MFSD8: variants seen among roughly 807,000 people sequenced by gnomAD.
MFSD8 encodes major facilitator superfamily domain containing 8, also known as major facilitator superfamily domain-containing protein 8.
A neutral mutation model predicts 66.4 loss-of-function variants in MFSD8; 55 were observed. The observed-to-expected ratio is 0.83, with a 90% CI of 0.67 to 1.04. The LOEUF is 1.04. MFSD8 is among the 50% of genes least tolerant of loss of function. The pLI, the probability that MFSD8 is intolerant of heterozygous loss-of-function variation, is 0.00. For missense variants in MFSD8, 550 were observed against 627.6 expected, an observed-to-expected ratio of 0.88 and a Z score of 1.32; for synonymous variants, 202 against 212.8, an observed-to-expected ratio of 0.95 and a Z score of 0.44.
chr4:127,940,652 G>GT (rs1035200751), intron 5 of MFSD8, among the ~76,000 whole-genome samples: 3 of 150,702 alleles, frequency 2.0e-5, no homozygotes, highest in South Asian at 2.1e-4. Context: ...AGTATTTGAA[G>GT]TTTTTTTTAG....
chr4:127,926,000 C>T (rs1737138921), intron 9 of MFSD8, among the ~76,000 whole-genome samples: 1 of 151,902 alleles, frequency 6.6e-6, no homozygotes, highest in South Asian at 2.1e-4. Flanking sequence ...AAAACAAACG[C>T]CACATGTTCT....
At chr4:127,938,435 T>C (rs1438782337) in intron 7 of MFSD8, among the ~76,000 whole-genome samples, 5 of 151,698 alleles carry the variant, frequency 3.3e-5, no homozygotes, top group African/African-American at 1.2e-4. Flanking sequence ...TACAAAAAAT[T>C]AGCCAGGCGT....
At chr4:127,953,306 T>C (rs768863841) in intron 2 of MFSD8, among the ~76,000 whole-genome samples, 1 of 151,468 alleles carries the variant, frequency 6.6e-6, no homozygotes, top group Non-Finnish European at 1.5e-5. Flanking sequence ...CTGACCAACA[T>C]GGAGAAACCC....
At chr4:127,924,720 C>T (rs1419977992) in intron 9 of MFSD8, among the ~76,000 whole-genome samples, 2 of 152,138 alleles carry the variant, frequency 1.3e-5, no homozygotes, top group African/African-American at 4.8e-5. Context: ...TGACTTTCTT[C>T]ACAGAATTAG....
chr4:127,924,239 G>A (rs1458100616), intron 9 of MFSD8, among the ~76,000 whole-genome samples: 1 of 152,098 alleles, frequency 6.6e-6, no homozygotes, highest in Non-Finnish European at 1.5e-5. Context: ...ATGTGTCCAG[G>A]AATTTATCCG....
intron 4 of MFSD8, 143 bp downstream of exon 4, chr4:127,943,608 GA>G (rs1740562451): frequency 1.0e-6 from 1 of 999,102 alleles, no homozygotes; most frequent in Non-Finnish European, 1.5e-6. Flanking sequence ...AAAATGATAA[GA>G]AAAATATTTG....
At chr4:127,951,757 T>A (rs1190304795) in intron 2 of MFSD8, among the ~76,000 whole-genome samples, 10 of 147,574 alleles carry the variant, frequency 6.8e-5, no homozygotes, top group Non-Finnish European at 1.5e-5. Context: ...TGAGACAGAG[T>A]CTCGCTATGT....
chr4:127,954,445 G>A (rs895238341), intron 2 of MFSD8, among the ~76,000 whole-genome samples: 7 of 151,972 alleles, frequency 4.6e-5, no homozygotes, highest in East Asian at 1.9e-4. Flanking sequence ...GCAAAACCCC[G>A]TCTCTACTAA....
At chr4:127,954,866 G>T (rs1742593229) in intron 2 of MFSD8, among the ~76,000 whole-genome samples, 1 of 152,098 alleles carries the variant, frequency 6.6e-6, no homozygotes, top group East Asian at 1.9e-4. Context: ...TATACAAATG[G>T]ACAGAAAGCA....
At chr4:127,958,848 C>G (rs1182434904) in intron 1 of MFSD8, among the ~76,000 whole-genome samples, 1 of 152,052 alleles carries the variant, frequency 6.6e-6, no homozygotes, top group Non-Finnish European at 1.5e-5. Flanking sequence ...TGACAAATGA[C>G]AATTATTAAA....
intron 9 of MFSD8, among the ~76,000 whole-genome samples, chr4:127,929,606 A>G (rs895951534): frequency 2.0e-5 from 3 of 151,756 alleles, no homozygotes; most frequent in African/African-American, 7.2e-5. Flanking sequence ...AGAAAAAAAA[A>G]AAGAAGAAAA....
Position 127,949,824 on chromosome 4 carries a change from T to C in MFSD8, c.178A>G (p.Ile60Val), listed in dbSNP as rs143902749. ...CAAACCTTTTGGAGATATGGCCATA[T>C]GGACATCATCACTACAGAAAACCCT... is the stretch of plus-strand genomic sequence containing the variant. ...SVGFSVVMMSIWPYLQKIDPT... is the reference protein window; with the variant it reads ...SVGFSVVMMSVWPYLQKIDPT... Residue 60 changes from isoleucine to valine, a missense_variant, in exon 3 of 12, where the codon ATA becomes GTA. By Grantham distance (29) the Ile-to-Val change is conservative (BLOSUM62 3). Transcript: ENST00000641686. The C allele has an allele frequency of 3.1e-6, 5 of 1,612,182 alleles. No homozygotes were observed. The highest frequency in any genetic ancestry group is 2.7e-5 in the African/African-American group (2 of 74,894).
rs530078817 is a variant in MFSD8, at chr4:127,919,897, TGAAA to T, written c.*729_*732del. On this transcript the variant is annotated 3_prime_UTR_variant, in exon 12 of 12. Transcript: ENST00000641686. Reference sequence around the variant, plus strand: ...GTTTCTAATGTGAATTTTTGGCATTTGAAAGAAAGTAGGTATCCCTATTAGGCTA... The same window carrying T: ...GTTTCTAATGTGAATTTTTGGCATTTGAAAGTAGGTATCCCTATTAGGCTA... The T allele has an allele frequency of 2.0e-3, 302 of 152,298 alleles. 3 individuals carry two copies. The highest frequency in any genetic ancestry group is 7.1e-3 in the African/African-American group (297 of 41,568). The allele number at this position is 152,298 out of a possible 1,614,324, so 9.4% of individuals were successfully genotyped here.
chr4:127,945,961 C>T (rs1010889017), intron 3 of MFSD8, among the ~76,000 whole-genome samples: 10 of 150,060 alleles, frequency 6.7e-5, no homozygotes, highest in Non-Finnish European at 1.0e-4. Context: ...GGCTCTGTCA[C>T]CCAGGCCAGA....
chr4:127,961,316 A>G (rs1274809421), intron 1 of MFSD8, among the ~76,000 whole-genome samples: 1 of 152,206 alleles, frequency 6.6e-6, no homozygotes, highest in Non-Finnish European at 1.5e-5. Context: ...TAGAACCTCA[A>G]TCAGAGGTAT....
rs138072045 is a variant in MFSD8 at position 127,921,587 on chromosome 4, G to T, written c.1287C>A (p.Gly429=). Residue 429 remains glycine, a synonymous_variant, in exon 11 of 12, where the codon GGC becomes GGA. Transcript: ENST00000641686. ...AGGACATAAGATTGCAGACTGGATA[G>T]CCTAATCCTATTAGCACAGCTGATG... ...FLTSAVLIGL[G]YPVCNLMSYT... The T allele has an allele frequency of 6.2e-7, 1 of 1,614,184 alleles. No homozygotes were observed. Among genetic ancestry groups the T allele is most frequent in the Non-Finnish European group, 8.5e-7 (1 of 1,180,032 alleles).
chr4:127,953,402 C>T (rs937941628), intron 2 of MFSD8, among the ~76,000 whole-genome samples: 6 of 150,614 alleles, frequency 4.0e-5, no homozygotes, highest in East Asian at 2.0e-4. Context: ...GCAGGAGAAT[C>T]GTTTCAACAC....
intron 6 of MFSD8, chr4:127,939,518 A>G: frequency 5.4e-6 from 1 of 185,994 alleles, no homozygotes; most frequent in Non-Finnish European, 1.1e-5. Context: ...AGGTATGAGA[A>G]TCCTTGAATC....
At chr4:127,963,204 T>C (rs984115445) in intron 1 of MFSD8, among the ~76,000 whole-genome samples, 6 of 152,202 alleles carry the variant, frequency 3.9e-5, no homozygotes, top group African/African-American at 1.4e-4. Context: ...CGAGCTCATT[T>C]TGGACAGATT....
Sources: gnomAD v4.1 joint callset for allele counts (sites outside exome capture counted in the v4.1 genomes callset) on GRCh38, gnomAD v4.1.1 for gene constraint, MANE v1.5 for transcripts, NCBI Gene and HGNC (gene_info 2026-07-23, HGNC 2026-07-21) for gene names.